Variants in GAREM2 observed in about 807,000 individuals in gnomAD.
The protein encoded by GAREM2 is GRB2 associated regulator of MAPK1 subtype 2.
GAREM2 carries 30 observed loss-of-function variants against 55.6 expected under a neutral mutation model. The ratio of observed to expected loss-of-function variants is 0.54; its 90% CI spans 0.40 to 0.73. GAREM2 has a LOEUF of 0.73. Among genes scored for constraint, GAREM2 ranks in the 30% least tolerant of loss-of-function variants. The probability of loss-of-function intolerance (pLI) is 0.00; values close to 1 mark genes in which losing one functional copy is unlikely to be tolerated. For missense variants in GAREM2, 1,075 were observed against 1,257.7 expected (o/e 0.85, Z 2.20); for synonymous variants, 550 against 569.1 (o/e 0.97, Z 0.48).
chr2:26,194,607 A>G, downstream of GAREM2: 1 of 1,612,632 alleles, frequency 6.2e-7, no homozygotes, highest in Non-Finnish European at 8.5e-7. Context: ...CATGGGCGCA[A>G]GACACCTGGT....
rs986209590 is a variant in GAREM2 at position 26,187,422 on chromosome 2, C to T, written c.1790C>T (p.Ser597Phe). ...GAGCCTCTGAGCGGTCGAGCCGCCT[C>T]CCTTCTGGGGGCTGACACCCCTGTT... Reference protein sequence around the residue: ...LTEPLSGRAASLLGADTPVKT... With the variant: ...LTEPLSGRAAFLLGADTPVKT... Residue 597 changes from serine to phenylalanine, a missense_variant, in exon 6 of 6, where the codon TCC (serine) becomes TTC (phenylalanine). Coordinates refer to ENST00000401533, the MANE Select transcript of GAREM2 (RefSeq NM_001168241.2). The T allele has an allele frequency of 6.5e-7, 1 of 1,547,958 alleles. No homozygotes were observed.
chr2:26,193,556 T>C (rs1669573712), downstream of GAREM2: 7 of 1,585,082 alleles, frequency 4.4e-6, no homozygotes, highest in South Asian at 1.1e-5. Flanking sequence ...GTGCTAGTTA[T>C]GTTTCCTTGA....
chr2:26,182,563 T>C (rs1327057700), intron 2 of GAREM2: 3 of 1,438,674 alleles, frequency 2.1e-6, no homozygotes, highest in Non-Finnish European at 2.9e-6. Context: ...GGAAAGGAAC[T>C]TGTCACGGCA....
chr2:26,178,937 G>T (rs1021404504), intron 2 of GAREM2, among the ~76,000 whole-genome samples: 1 of 70,394 alleles, frequency 1.4e-5, no homozygotes, highest in South Asian at 4.7e-4. Flanking sequence ...AAGGCCGGCG[G>T]GTTAACGAGG....
the GAREM2 span, among the ~76,000 whole-genome samples, chr2:26,200,237 G>A: frequency 1.3e-5 from 2 of 152,060 alleles, no homozygotes; most frequent in Non-Finnish European, 1.5e-5. Flanking sequence ...CCAGCATGTT[G>A]CCAAGTCAGA....
In GAREM2 at chr2:26,187,335, G is replaced by A. The variant is rs549568291; in HGVS notation, c.1703G>A (p.Arg568His). 1.6e-5 allele frequency: 25 copies of A among 1,538,624 alleles called. No homozygotes were observed. The East Asian group carries it at 3.7e-4, about 23-fold the overall frequency. The change falls in exon 6 of 6, where the codon CGC (arginine) becomes CAC (histidine). Residue 568 changes from arginine (R) to histidine (H), a missense_variant. Coordinates refer to ENST00000401533, the MANE Select transcript of GAREM2 (RefSeq NM_001168241.2). ...TGCAAGGTGGGCGAGTCCTCTAGCC[G>A]CCCAGCCCCCGGTCCCCTACCCTCA... ...GDCKVGESSS[R>H]PAPGPLPSTT...
At chr2:26,174,835 G>A (rs909995249) in intron 1 of GAREM2, among the ~76,000 whole-genome samples, 6 of 152,220 alleles carry the variant, frequency 3.9e-5, no homozygotes, top group Non-Finnish European at 8.8e-5. Flanking sequence ...ATCTGTCACT[G>A]TGGGCTATTG....
chr2:26,198,215 T>C, the GAREM2 span, among the ~76,000 whole-genome samples: 149 of 152,240 alleles, frequency 9.8e-4, 1 homozygote, highest in African/African-American at 3.4e-3. Flanking sequence ...TGCATGCTTG[T>C]CTCATTTTAT....
chr2:26,196,992 T>C, the GAREM2 span, among the ~76,000 whole-genome samples: 3 of 152,206 alleles, frequency 2.0e-5, no homozygotes, highest in African/African-American at 7.2e-5. Flanking sequence ...GCTAGAAGAG[T>C]AGGAATAAAT....
At chr2:26,174,259 C>G (rs1030077621) in intron 1 of GAREM2, among the ~76,000 whole-genome samples, 3 of 152,194 alleles carry the variant, frequency 2.0e-5, no homozygotes, top group Non-Finnish European at 2.9e-5. Flanking sequence ...GTCAGCTGTC[C>G]CGGGAGCAGG....
At chr2:26,194,627 G>A (rs1184259261), downstream of GAREM2, 3 of 1,608,104 alleles carry the variant, frequency 1.9e-6, no homozygotes, top group Non-Finnish European at 1.7e-6. Context: ...TAGTATAGAA[G>A]CCAGGTCCAT....
downstream of GAREM2, chr2:26,193,789 G>C (rs1669582866): frequency 6.2e-7 from 1 of 1,607,876 alleles, no homozygotes; most frequent in Non-Finnish European, 8.5e-7. Context: ...AGGAAGCGAT[G>C]CAGGGACCTC....
downstream of GAREM2, chr2:26,190,953 T>G: frequency 3.9e-6 from 2 of 513,664 alleles, no homozygotes. Context: ...CCTGGCCTCT[T>G]GGGAGGAACA....
Position 26,187,493 on chromosome 2 carries a change from C to T in GAREM2, c.1861C>T (p.Gln621Ter). 6.5e-7 allele frequency: 1 copy of T among 1,546,350 alleles called. No individual in the cohort carries two copies. Among genetic ancestry groups the T allele is most frequent in the Non-Finnish European group, 8.7e-7 (1 of 1,144,532 alleles). Residue 621 changes from glutamine (Q) to a stop codon, truncating the protein, a stop_gained, in exon 6 of 6, where the codon CAG becomes TAG. Coordinates refer to ENST00000401533, the MANE Select transcript of GAREM2 (RefSeq NM_001168241.2). LOFTEE classifies it high-confidence loss of function. ...CPPLFKPSHP[Q>*]KRFAPFGALN... Reference sequence around the variant, plus strand: ...TCCTCTATTCAAGCCCTCACATCCCCAGAAGCGCTTTGCTCCGTTTGGAGC... The same window carrying T: ...TCCTCTATTCAAGCCCTCACATCCCTAGAAGCGCTTTGCTCCGTTTGGAGC...
chr2:26,182,495 T>G (rs1025837221), intron 2 of GAREM2: 4 of 1,550,092 alleles, frequency 2.6e-6, no homozygotes, highest in Non-Finnish European at 8.7e-7. Context: ...CAGATCCAGG[T>G]AGGGCCCATG....
At chr2:26,182,419 C>T (rs905994599) in intron 2 of GAREM2, 4 of 1,550,036 alleles carry the variant, frequency 2.6e-6, no homozygotes, top group African/African-American at 1.4e-5. Context: ...AAGGGCTGGG[C>T]CAGGCCCTGG....
At chr2:26,197,881 C>A in the GAREM2 span, 9 of 750,288 alleles carry the variant, frequency 1.2e-5, no homozygotes, top group Non-Finnish European at 2.0e-5. Flanking sequence ...CACTCTGTCC[C>A]CCACAACTGC....
chr2:26,192,511 G>A, downstream of GAREM2: 3 of 810,016 alleles, frequency 3.7e-6, no homozygotes, highest in Non-Finnish European at 6.5e-6. Flanking sequence ...GCCTGGCCAG[G>A]CGTGGTGGCT....
Position 26,185,234 on chromosome 2 carries a change from G to C in GAREM2, c.1386G>C (p.Glu462Asp), listed in dbSNP as rs1296839185. Reference protein sequence around the residue: ...SFGAAGPPRREPEAPPPPVPP... With the variant: ...SFGAAGPPRRDPEAPPPPVPP... ...GGGCCGCGGGACCGCCGCGTCGGGA[G>C]CCGGAAGCGCCGCCGCCTCCAGTCC... The change falls in exon 4 of 6, where the codon GAG becomes GAC. Residue 462 changes from glutamate (E) to aspartate (D), a missense_variant. Glu to Asp is a conservative substitution (Grantham distance 45). This residue lies in a region of GAREM2 where 515 missense variants were observed against 501.5 expected (regional missense o/e 1.03). Transcript: ENST00000401533. 4 of 1,521,576 alleles carry C rather than the reference G, an allele frequency of 2.6e-6. No individual in the cohort carries two copies. The highest frequency in any genetic ancestry group is 3.5e-6 in the Non-Finnish European group (4 of 1,141,424). 94.3% of individuals were successfully genotyped at this position (1,521,576 alleles called of 1,614,324 possible).
Sources: allele counts gnomAD v4.1 joint callset (sites outside exome capture counted in the v4.1 genomes callset), GRCh38; gene constraint gnomAD v4.1.1; regional missense constraint gnomAD v4.1.1; transcripts MANE v1.5; gene names NCBI Gene and HGNC (gene_info 2026-07-23, HGNC 2026-07-21).